Variants in RTL4 observed in about 807,000 individuals in gnomAD.
The protein encoded by RTL4 is retrotransposon Gag like 4.
Under a neutral mutation model 5.3 loss-of-function variants are expected in RTL4, and 4 were observed. The observed-to-expected ratio is 0.75, with a 90% CI of 0.37 to 1.72. RTL4 has a LOEUF of 1.72. Among genes scored for constraint, RTL4 ranks in the 40% most tolerant of loss-of-function variants. The pLI is 0.04. For synonymous variants in RTL4, 98 were observed against 87.3 expected (o/e 1.12, Z -0.68); for missense variants, 260 against 227.1 (o/e 1.14, Z -0.93).
the RTL4 span, among the ~76,000 whole-genome samples, chrX:112,092,788 C>T: frequency 1.8e-5 from 2 of 111,180 alleles, no homozygotes; most frequent in South Asian, 7.7e-4. Context: ...CAAGCTCTCT[C>T]TTTGCCTACT....
At chrX:112,115,698 G>T in the RTL4 span, among the ~76,000 whole-genome samples, 1 of 111,670 alleles carries the variant, frequency 9.0e-6, no homozygotes, top group African/African-American at 3.3e-5. Flanking sequence ...GTAAGCCCAG[G>T]TGCCTAAGGA....
chrX:112,153,783 C>T, the RTL4 span, among the ~76,000 whole-genome samples: 4 of 111,026 alleles, frequency 3.6e-5, no homozygotes, highest in South Asian at 1.1e-3. Context: ...CTTTTTGTAC[C>T]GTTCGATTGT....
At chrX:112,101,443 A>G in the RTL4 span, among the ~76,000 whole-genome samples, 1 of 111,644 alleles carries the variant, frequency 9.0e-6, no homozygotes, top group Non-Finnish European at 1.9e-5. Context: ...AAAATAAATC[A>G]TGAAGGTAGA....
the RTL4 span, among the ~76,000 whole-genome samples, chrX:112,259,827 C>G: frequency 4.2e-4 from 47 of 111,657 alleles, 2 homozygotes; most frequent in South Asian, 0.016. Context: ...AATAAAATAC[C>G]AGAGCATAAT....
the RTL4 span, among the ~76,000 whole-genome samples, chrX:112,124,475 G>A: frequency 8.9e-6 from 1 of 111,956 alleles, no homozygotes; most frequent in African/African-American, 3.2e-5. Flanking sequence ...TATACACCAT[G>A]GAATATTATG....
chrX:112,306,747 G>T, the RTL4 span, among the ~76,000 whole-genome samples: 1 of 111,602 alleles, frequency 9.0e-6, no homozygotes, highest in South Asian at 3.7e-4. Context: ...AGTGCATGCA[G>T]ATTCCCAGCT....
chrX:112,103,527 G>A, the RTL4 span, among the ~76,000 whole-genome samples: 1 of 109,625 alleles, frequency 9.1e-6, no homozygotes, highest in South Asian at 4.0e-4. Context: ...CAAGGCACAC[G>A]TTTACCTATT....
At chrX:112,419,041 TATA>T in the RTL4 span, among the ~76,000 whole-genome samples, 1 of 101,492 alleles carries the variant, frequency 9.9e-6, no homozygotes, top group Non-Finnish European at 2.0e-5. Context: ...GATATATATA[TATA>T]TATATATATA....
chrX:112,086,617 A>G, the RTL4 span, among the ~76,000 whole-genome samples: 13 of 112,068 alleles, frequency 1.2e-4, no homozygotes, highest in African/African-American at 3.9e-4. Flanking sequence ...CTGCCTTAGA[A>G]AATAAGTTTC....
the RTL4 span, among the ~76,000 whole-genome samples, chrX:112,118,789 T>C: frequency 2.7e-5 from 3 of 112,111 alleles, no homozygotes; most frequent in Non-Finnish European, 5.6e-5. Context: ...ATTATAGATA[T>C]TTTAAAACTT....
chrX:112,452,726 T>C (rs768414612), upstream of RTL4, among the ~76,000 whole-genome samples: 26 of 111,825 alleles, frequency 2.3e-4, no homozygotes, highest in Middle Eastern at 4.7e-3. Flanking sequence ...AACCACCTTC[T>C]GAGGTAAGTA....
At chrX:112,345,926 T>C in the RTL4 span, among the ~76,000 whole-genome samples, 1 of 111,636 alleles carries the variant, frequency 9.0e-6, no homozygotes, top group African/African-American at 3.3e-5. Context: ...GGAGATTTAA[T>C]GAAAAAGGAT....
the RTL4 span, among the ~76,000 whole-genome samples, chrX:112,345,055 C>A: frequency 5.4e-5 from 6 of 111,652 alleles, no homozygotes; most frequent in South Asian, 1.9e-3. Flanking sequence ...GCCCTTGAGA[C>A]ATAGGGATTA....
chrX:112,264,294 G>A, the RTL4 span, among the ~76,000 whole-genome samples: 56 of 112,187 alleles, frequency 5.0e-4, no homozygotes, highest in African/African-American at 1.7e-3. Flanking sequence ...TTTAGCTTCA[G>A]GGCCCTGCTA....
At chrX:112,228,887 CAG>C in the RTL4 span, among the ~76,000 whole-genome samples, 1 of 112,018 alleles carries the variant, frequency 8.9e-6, no homozygotes, top group African/African-American at 3.2e-5. Context: ...AGAATTATCT[CAG>C]AAGAAAATTC....
chrX:112,286,205 C>T, the RTL4 span, among the ~76,000 whole-genome samples: 4 of 111,748 alleles, frequency 3.6e-5, no homozygotes, highest in South Asian at 3.7e-4. Context: ...GAATATTTCA[C>T]GCAGTGAAAA....
the RTL4 span, among the ~76,000 whole-genome samples, chrX:112,272,448 G>T: frequency 9.8e-5 from 11 of 111,679 alleles, no homozygotes; most frequent in African/African-American, 3.3e-4. Context: ...AGGCACAGAT[G>T]CAGAGGCAGG....
At chrX:112,222,638 C>T in the RTL4 span, among the ~76,000 whole-genome samples, 1 of 109,742 alleles carries the variant, frequency 9.1e-6, no homozygotes, top group Non-Finnish European at 1.9e-5. Flanking sequence ...GAGGCTGAGG[C>T]GGGAGGATCA....
the RTL4 span, among the ~76,000 whole-genome samples, chrX:112,338,626 C>T: frequency 1.8e-5 from 2 of 111,467 alleles, no homozygotes; most frequent in East Asian, 2.8e-4. Context: ...TAAGCTAGTC[C>T]GATCTTGTTT....
Sources: allele counts gnomAD v4.1 joint callset (sites outside exome capture counted in the v4.1 genomes callset), GRCh38; gene constraint gnomAD v4.1.1; transcripts MANE v1.5; gene names NCBI Gene and HGNC (gene_info 2026-07-23, HGNC 2026-07-21).